The following GRIK3 variants were observed in gnomAD, a reference collection of about 807,000 sequenced individuals.
The protein encoded by GRIK3 is glutamate ionotropic receptor kainate type subunit 3.
In GRIK3, 29 loss-of-function variants were observed where a neutral mutation model predicts 102.5. The ratio of observed to expected loss-of-function variants is 0.28; its 90% CI spans 0.21 to 0.39. GRIK3 has a LOEUF of 0.39. Ranked by LOEUF, GRIK3 falls within the 10% of genes least tolerant of loss-of-function variation. The pLI, the probability that GRIK3 is intolerant of heterozygous loss-of-function variation, is 1.00. For missense variants in GRIK3, 908 were observed against 1,252.4 expected, an observed-to-expected ratio of 0.73 and a Z score of 4.15; for synonymous variants, 511 against 504.9, an observed-to-expected ratio of 1.01 and a Z score of -0.16.
chr1:37,029,633 G>A (rs1437601772), intron 1 of GRIK3, among the ~76,000 whole-genome samples: 1 of 152,230 alleles, frequency 6.6e-6, no homozygotes, highest in African/African-American at 2.4e-5. Flanking sequence ...TCAAGAGGAG[G>A]GGTAGTTCCA....
rs536533378 is a variant in GRIK3 at position 36,796,965 on chromosome 1, G to C, written c.*4886C>G. ...CATTGCTTCTCAGACACACCCAGCT[G>C]TCCTGCCTCAGACAGGCTCGGATGG... On this transcript the variant is annotated 3_prime_UTR_variant, in exon 16 of 16. Transcript: ENST00000373091. 4.6e-5 allele frequency: 7 copies of C among 152,322 alleles called. No individual in the cohort carries two copies. The highest frequency in any genetic ancestry group is 1.7e-4 in the African/African-American group (7 of 41,560). 9.4% of individuals were successfully genotyped at this position (152,322 alleles called of 1,614,324 possible).
chr1:36,991,296 C>A (rs1642360961), intron 1 of GRIK3, among the ~76,000 whole-genome samples: 1 of 152,200 alleles, frequency 6.6e-6, no homozygotes, highest in African/African-American at 2.4e-5. Flanking sequence ...CTTTTCTGGA[C>A]TCCCCTTCAC....
chr1:36,944,227 A>G (rs1015997485), intron 1 of GRIK3, among the ~76,000 whole-genome samples: 1 of 152,218 alleles, frequency 6.6e-6, no homozygotes, highest in African/African-American at 2.4e-5. Flanking sequence ...AGAGGAGAAC[A>G]ACTTTCCCAG....
chr1:36,817,246 T>C lies in GRIK3; in HGVS notation c.1905A>G (p.Thr635=), dbSNP rs143553274. The change falls in exon 13 of 16, where the codon ACA becomes ACG. Residue 635 remains threonine, a synonymous_variant. Coordinates refer to ENST00000373091, the MANE Select transcript of GRIK3 (RefSeq NM_000831.4). ...ACCACCAGATGCCACCAATGATGCG[T>C]GTGGACAGGGCTTTGGGCATCAGCT... ...GSELMPKALS[T]RIIGGIWWFF... 8.4e-5 allele frequency: 135 copies of C among 1,613,556 alleles called. No individual in the cohort carries two copies. The African/African-American group carries it at 1.5e-3, about 18-fold the overall frequency.
chr1:36,902,526 C>T (rs1641242726), intron 1 of GRIK3, among the ~76,000 whole-genome samples: 1 of 152,160 alleles, frequency 6.6e-6, no homozygotes. Context: ...TGGACATCCA[C>T]ATGCAAAAAA....
intron 9 of GRIK3, among the ~76,000 whole-genome samples, chr1:36,843,163 A>C (rs1640480165): frequency 6.6e-6 from 1 of 152,170 alleles, no homozygotes; most frequent in South Asian, 2.1e-4. Context: ...GAGGCGATCC[A>C]CTTCATCCAG....
At chr1:37,026,657 C>T (rs1030275418) in intron 1 of GRIK3, among the ~76,000 whole-genome samples, 8 of 152,152 alleles carry the variant, frequency 5.3e-5, no homozygotes, top group African/African-American at 1.2e-4. Context: ...AATAGCTGCA[C>T]GTGGTTCAAC....
chr1:36,973,873 T>C (rs996182855), intron 1 of GRIK3, among the ~76,000 whole-genome samples: 1 of 152,164 alleles, frequency 6.6e-6, no homozygotes, highest in African/African-American at 2.4e-5. Context: ...TCATGGACAG[T>C]ACCCTGCCCT....
chr1:36,833,059 C>A (rs1226350212), intron 10 of GRIK3, among the ~76,000 whole-genome samples: 1 of 152,144 alleles, frequency 6.6e-6, no homozygotes, highest in Non-Finnish European at 1.5e-5. Context: ...GGGGAGTGAG[C>A]TTGTTTCACT....
intron 5 of GRIK3, among the ~76,000 whole-genome samples, chr1:36,863,474 A>G (rs1430421417): frequency 6.6e-6 from 1 of 150,972 alleles, no homozygotes; most frequent in Non-Finnish European, 1.5e-5. Flanking sequence ...TTTCCTTCCT[A>G]CCCTCTCAAT....
chr1:37,023,794 T>A (rs1461110556), intron 1 of GRIK3, among the ~76,000 whole-genome samples: 1 of 152,136 alleles, frequency 6.6e-6, no homozygotes, highest in Non-Finnish European at 1.5e-5. Flanking sequence ...ACTTAACCTC[T>A]CTAACACAGA....
chr1:36,825,404 G>A (rs765998982), intron 11 of GRIK3, among the ~76,000 whole-genome samples, 199 bp downstream of exon 11: 10 of 152,092 alleles, frequency 6.6e-5, no homozygotes, highest in African/African-American at 1.2e-4. Flanking sequence ...TGATTCAAGC[G>A]TGGGGGTGGG....
chr1:36,865,926 C>T (rs1182986056), intron 5 of GRIK3, among the ~76,000 whole-genome samples: 1 of 152,204 alleles, frequency 6.6e-6, no homozygotes, highest in African/African-American at 2.4e-5. Context: ...GTCCCCTAGG[C>T]TGGAGTGCAG....
intron 1 of GRIK3, among the ~76,000 whole-genome samples, chr1:37,010,827 C>T (rs930181036): frequency 1.9e-4 from 28 of 151,350 alleles, no homozygotes; most frequent in Admixed American, 5.9e-4. Flanking sequence ...CTGCAAGCTC[C>T]GCTTCCCGGG....
intron 1 of GRIK3, among the ~76,000 whole-genome samples, chr1:37,019,016 C>G (rs1642682257): frequency 6.6e-6 from 1 of 152,104 alleles, no homozygotes; most frequent in South Asian, 2.1e-4. Context: ...ACAGCCATGT[C>G]CAGGAAAATC....
intron 1 of GRIK3, among the ~76,000 whole-genome samples, chr1:37,031,558 G>A (rs1642828390): frequency 6.6e-6 from 1 of 152,232 alleles, no homozygotes; most frequent in Admixed American, 6.5e-5. Flanking sequence ...CCCTCTCCGG[G>A]CTGGTGCTCG....
At chr1:36,946,675 G>T (rs35797450) in intron 1 of GRIK3, among the ~76,000 whole-genome samples, 1 of 152,158 alleles carries the variant, frequency 6.6e-6, no homozygotes, top group Non-Finnish European at 1.5e-5. Flanking sequence ...CTTATGTTGT[G>T]CCAGGCCCCG....
At chr1:36,942,695 G>A (rs1641740355) in intron 1 of GRIK3, among the ~76,000 whole-genome samples, 6 of 151,756 alleles carry the variant, frequency 4.0e-5, no homozygotes, top group Admixed American at 3.9e-4. Context: ...AGGAGAACTG[G>A]GAAGTCAGGG....
In GRIK3 at chr1:37,024,416, C is replaced by T. The variant is rs568849079; in HGVS notation, c.115+9578G>A. On this transcript the variant is annotated intron_variant, in intron 1 of 15. Coordinates refer to ENST00000373091, the MANE Select transcript of GRIK3 (RefSeq NM_000831.4). Reference sequence around the variant, plus strand: ...TTCATATGCATTAACTCATTCAATCCTCACAAAAACCCTGTGAGGCAGGTA... The same window carrying T: ...TTCATATGCATTAACTCATTCAATCTTCACAAAAACCCTGTGAGGCAGGTA... Among the ~76,000 whole-genome samples, 6 of 151,394 alleles carry T rather than the reference C, an allele frequency of 4.0e-5. No individual in the cohort carries two copies. In the South Asian group the frequency reaches 1.3e-3, roughly 32 times the overall value.
Sources: allele counts gnomAD v4.1 joint callset (sites outside exome capture counted in the v4.1 genomes callset), GRCh38; gene constraint gnomAD v4.1.1; transcripts MANE v1.5; gene names NCBI Gene and HGNC (gene_info 2026-07-23, HGNC 2026-07-21).